The following STAT5A variants were observed in gnomAD, a reference collection of about 807,000 sequenced individuals.
STAT5A encodes the protein epididymis secretory sperm binding protein.
In STAT5A, 26 loss-of-function variants were observed where a neutral mutation model predicts 100.2. The observed-to-expected ratio is 0.26, with a 90% CI of 0.19 to 0.36. The LOEUF (loss-of-function observed/expected upper bound fraction) is 0.36. Ranked by LOEUF, STAT5A falls within the 10% of genes least tolerant of loss-of-function variation. The pLI, the probability that STAT5A is intolerant of heterozygous loss-of-function variation, is 1.00. For missense variants in STAT5A, 634 were observed against 1,027.5 expected, an observed-to-expected ratio of 0.62 and a Z score of 5.24; for synonymous variants, 330 against 424.3, an observed-to-expected ratio of 0.78 and a Z score of 2.73.
intron 3 of STAT5A, among the ~76,000 whole-genome samples, chr17:42,291,208 C>T (rs1373883049): frequency 6.6e-6 from 1 of 152,222 alleles, no homozygotes; most frequent in African/African-American, 2.4e-5. Context: ...CTATGGGAAT[C>T]CAGTGCCATT....
Position 42,304,297 on chromosome 17 carries a change from T to C in STAT5A, c.1170-45T>C, listed in dbSNP as rs772149278. On this transcript the variant is annotated intron_variant, in intron 9 of 18. Coordinates refer to ENST00000590949, the MANE Select transcript of STAT5A (RefSeq NM_001288718.2). The surrounding 1 kb of genome is among the most constrained non-coding windows in gnomAD (Gnocchi z 4.8). The stretch of plus-strand genomic sequence containing the variant: ...CGAGGTGTGGACAGGACCATGCTCC[T>C]GGCCTGGGGCCCATGTGGAGCTGGG... 2.1e-5 allele frequency: 34 copies of C among 1,598,074 alleles called. No homozygotes were observed. The highest frequency in any genetic ancestry group is 2.8e-5 in the Non-Finnish European group (33 of 1,166,758).
chr17:42,304,487 C>A lies in STAT5A; in HGVS notation c.1258-43C>A, dbSNP rs1284316110. The A allele has an allele frequency of 1.2e-5, 19 of 1,614,148 alleles. No homozygotes were observed. Among genetic ancestry groups the A allele is most frequent in the Non-Finnish European group, 1.6e-5 (19 of 1,179,968 alleles). ...CTGCCCAGAGCTGAGTCCTTGTAAG[C>A]AGCCGCCATCTCCCTGTTCCCCTGT... On this transcript the variant is annotated intron_variant, in intron 10 of 18. Transcript: ENST00000590949. This position sits in a 1 kb window ranked among gnomAD's most constrained non-coding sequence, Gnocchi z 4.8.
intron 2 of STAT5A, 81 bp from the exon 3 acceptor site, chr17:42,289,785 G>A (rs1463286232): frequency 1.4e-6 from 2 of 1,447,074 alleles, no homozygotes; most frequent in South Asian, 3.0e-5. Flanking sequence ...TGAGCCTGGG[G>A]TTTCCACTTT....
At chr17:42,297,147 A>G (rs940645261) in intron 5 of STAT5A, among the ~76,000 whole-genome samples, 3 of 151,694 alleles carry the variant, frequency 2.0e-5, no homozygotes, top group Non-Finnish European at 4.4e-5. Context: ...CGTGTTGTCC[A>G]GGCTGGTTGC....
At chr17:42,298,278 A>G (rs931946264) in intron 5 of STAT5A, among the ~76,000 whole-genome samples, 3 of 150,710 alleles carry the variant, frequency 2.0e-5, no homozygotes, top group Non-Finnish European at 4.4e-5. Context: ...CTCCTGCCTC[A>G]GCCTCCTAAG....
At chr17:42,299,675 C>A in intron 5 of STAT5A, 76 bp from the exon 6 acceptor site, 3 of 1,610,170 alleles carry the variant, frequency 1.9e-6, no homozygotes, top group Non-Finnish European at 2.5e-6. Flanking sequence ...CGCTCCAGAA[C>A]AGGTGAGTGG....
intron 4 of STAT5A, among the ~76,000 whole-genome samples, chr17:42,292,567 C>T (rs112283350): frequency 2.7e-4 from 41 of 151,246 alleles, no homozygotes; most frequent in African/African-American, 7.5e-4. Context: ...CCTCGTGATC[C>T]GCCCACCTCG....
chr17:42,299,713 A>G (rs536008124), intron 5 of STAT5A, 38 bp from the exon 6 acceptor site: 144 of 1,613,924 alleles, frequency 8.9e-5, no homozygotes, highest in South Asian at 1.9e-4. Context: ...GTTGGACACT[A>G]GGAGGTGATG....
intron 4 of STAT5A, 25 bp downstream of exon 4, chr17:42,292,086 G>A: frequency 1.2e-6 from 2 of 1,612,618 alleles, no homozygotes; most frequent in Non-Finnish European, 1.7e-6. Flanking sequence ...GGGATGGGGA[G>A]GAGTGTTGAG....
intron 4 of STAT5A, among the ~76,000 whole-genome samples, chr17:42,293,631 G>A (rs2080892147): frequency 6.6e-6 from 1 of 152,228 alleles, no homozygotes; most frequent in Admixed American, 6.5e-5. Context: ...TTCTTGCCTG[G>A]AAGGAATTCT....
In STAT5A at chr17:42,306,532, C is replaced by A. The variant is rs2081030488; in HGVS notation, c.1680+85C>A. 75 of 1,541,794 alleles carry A rather than the reference C, an allele frequency of 4.9e-5. No homozygotes were observed. The South Asian group carries it at 8.2e-4, about 17-fold the overall frequency. On this transcript the variant is annotated intron_variant, in intron 13 of 18. Coordinates refer to ENST00000590949, the MANE Select transcript of STAT5A (RefSeq NM_001288718.2). ...CTCACAGACAGGTTACTGCCTGGGG[C>A]TAGCACCCCACTCTCCACCCCCAAC... is the stretch of plus-strand genomic sequence containing the variant.
intron 9 of STAT5A, among the ~76,000 whole-genome samples, chr17:42,303,201 G>A (rs1327502294): frequency 1.3e-5 from 2 of 152,160 alleles, no homozygotes; most frequent in African/African-American, 2.4e-5. Flanking sequence ...AGCCGAGACT[G>A]TGCCATTGCA....
At position 42,305,733 on chromosome 17, in the gene STAT5A, C is replaced by T. The variant is rs772825500; in HGVS notation, c.1473+31C>T. ...TCCCCGTGGGAGCCCTACCCCAGCA[C>T]CCCCAGGCCCTAGGACTCACCTGGG... On this transcript the variant is annotated intron_variant, in intron 12 of 18. Coordinates refer to ENST00000590949, the MANE Select transcript of STAT5A (RefSeq NM_001288718.2). The T allele has an allele frequency of 6.8e-6, 11 of 1,608,458 alleles. No individual in the cohort carries two copies. The South Asian group carries it at 9.9e-5, about 14-fold the overall frequency.
At chr17:42,296,621 CTTCTT>C (rs754933250) in intron 5 of STAT5A, among the ~76,000 whole-genome samples, 1 of 152,018 alleles carries the variant, frequency 6.6e-6, no homozygotes, top group Non-Finnish European at 1.5e-5. Flanking sequence ...TTAGACCTTT[CTTCTT>C]TTCTTTTCTT....
Position 42,295,625 on chromosome 17 carries a change from T to G in STAT5A, c.382T>G (p.Ser128Ala). The change falls in exon 5 of 19, where the codon TCT becomes GCT. Residue 128 changes from serine to alanine, a missense_variant. This residue lies in a region of STAT5A where 207 missense variants were observed against 256.6 expected (regional missense o/e 0.81). Transcript: ENST00000590949. ...RLVREANNCS[S>A]PAGILVDAMS... is the part of the protein sequence containing the mutation. ...CCATTCCATCTGTCTCCAGTGCAGC[T>G]CTCCGGCTGGGATCCTGGTTGACGC... 1 of 1,613,318 alleles carries G rather than the reference T, an allele frequency of 6.2e-7. No homozygotes were observed. Among genetic ancestry groups the G allele is most frequent in the Non-Finnish European group, 8.5e-7 (1 of 1,179,696 alleles).
In STAT5A at chr17:42,300,848, A is replaced by G. The variant is rs1203314995; in HGVS notation, c.967A>G (p.Ile323Val). The G allele has an allele frequency of 6.2e-7, 1 of 1,612,358 alleles. No homozygotes were observed. Among genetic ancestry groups the G allele is most frequent in the Non-Finnish European group, 8.5e-7 (1 of 1,179,276 alleles). The change falls in exon 8 of 19, where the codon ATT becomes GTT. Residue 323 changes from isoleucine to valine, a missense_variant. Coordinates refer to ENST00000590949, the MANE Select transcript of STAT5A (RefSeq NM_001288718.2). The stretch of plus-strand genomic sequence containing the variant: ...CGAGGTCAACGCCACCATCACGGAC[A>G]TTATCTCAGCCCTGGTGACCAGGTG... ...LAEVNATITD[I>V]ISALVTSTFI...
At chr17:42,305,416 C>T (rs1020708653) in intron 11 of STAT5A, among the ~76,000 whole-genome samples, 194 bp from the exon 12 acceptor site, 17 of 151,994 alleles carry the variant, frequency 1.1e-4, no homozygotes, top group Admixed American at 6.6e-5. Context: ...GCAGGAGAAT[C>T]GCTTGAACCC....
Position 42,289,398 on chromosome 17 carries a change from C to CT in STAT5A, c.-10-3dup. ...AGAGCGCTTCAGCGCTCGGCTCGCCCTAGGTGAACGGCCATGGCGGGCTGG... is the reference window on the plus strand; with the variant it reads ...AGAGCGCTTCAGCGCTCGGCTCGCCCTTAGGTGAACGGCCATGGCGGGCTGG... On this transcript the variant is annotated splice_region_variant and splice_polypyrimidine_tract_variant and intron_variant, in intron 1 of 18. Transcript: ENST00000590949. The CT allele has an allele frequency of 6.2e-7, 1 of 1,605,166 alleles. No individual in the cohort carries two copies. Among genetic ancestry groups the CT allele is most frequent in the Non-Finnish European group, 8.5e-7 (1 of 1,176,052 alleles).
At chr17:42,298,211 T>A (rs532977577) in intron 5 of STAT5A, among the ~76,000 whole-genome samples, 2 of 152,254 alleles carry the variant, frequency 1.3e-5, no homozygotes, top group South Asian at 4.1e-4. Flanking sequence ...TTGCCTTGGC[T>A]GGAGTGCAGT....
Sources: allele counts gnomAD v4.1 joint callset (sites outside exome capture counted in the v4.1 genomes callset), GRCh38; gene constraint gnomAD v4.1.1; regional missense constraint gnomAD v4.1.1; non-coding constraint Gnocchi (gnomAD v3.1); transcripts MANE v1.5; gene names NCBI Gene and HGNC (gene_info 2026-07-23, HGNC 2026-07-21).